IPCEF1: variants seen among roughly 807,000 people sequenced by gnomAD.
IPCEF1 encodes interaction protein for cytohesin exchange factors 1, also known as interactor protein for cytohesin exchange factors 1.
A neutral mutation model predicts 50.9 loss-of-function variants in IPCEF1; 31 were observed. That is an observed-to-expected ratio of 0.61 (90% confidence interval 0.46 to 0.82). The LOEUF (loss-of-function observed/expected upper bound fraction) is 0.82, where lower values mean the gene tolerates loss of function less well. Among genes scored for constraint, IPCEF1 ranks in the 40% least tolerant of loss-of-function variants. IPCEF1 has a pLI of 0.00. For missense variants in IPCEF1, 458 were observed against 514.0 expected, an observed-to-expected ratio of 0.89 and a Z score of 1.05; for synonymous variants, 181 against 192.0, an observed-to-expected ratio of 0.94 and a Z score of 0.47.
chr6:154,338,122 A>T (rs1267345433), intron 1 of IPCEF1, among the ~76,000 whole-genome samples: 2 of 152,216 alleles, frequency 1.3e-5, no homozygotes, highest in Non-Finnish European at 2.9e-5. Context: ...TCATCTAGGT[A>T]AAGTTTGAAT....
At chr6:154,207,240 G>A (rs941936206) in intron 9 of IPCEF1, among the ~76,000 whole-genome samples, 1 of 152,230 alleles carries the variant, frequency 6.6e-6, no homozygotes, top group African/African-American at 2.4e-5. Context: ...AAGATGAGCT[G>A]TTAAAGCCAG....
chr6:154,286,731 A>T (rs1484967033), intron 2 of IPCEF1, among the ~76,000 whole-genome samples: 1 of 152,240 alleles, frequency 6.6e-6, no homozygotes, highest in Non-Finnish European at 1.5e-5. Context: ...GTTTCAGTAG[A>T]AAGCGGTGAA....
chr6:154,340,879 C>T (rs1301004772), intron 1 of IPCEF1, among the ~76,000 whole-genome samples: 2 of 130,074 alleles, frequency 1.5e-5, no homozygotes, highest in African/African-American at 5.9e-5. Context: ...AGCAAAACTC[C>T]GTCTCAAAAA....
chr6:154,345,891 G>C (rs545054178), intron 1 of IPCEF1, among the ~76,000 whole-genome samples: 3 of 151,914 alleles, frequency 2.0e-5, no homozygotes, highest in South Asian at 2.1e-4. Context: ...TGTGAGATGG[G>C]GTCTCACTCT....
intron 1 of IPCEF1, among the ~76,000 whole-genome samples, chr6:154,321,033 C>T (rs1367333177): frequency 6.6e-6 from 1 of 152,010 alleles, no homozygotes; most frequent in Non-Finnish European, 1.5e-5. Context: ...TGGGCTCAAG[C>T]AATCCTCCCA....
At chr6:154,186,746 G>A (rs924814770) in intron 10 of IPCEF1, among the ~76,000 whole-genome samples, 1 of 151,826 alleles carries the variant, frequency 6.6e-6, no homozygotes, top group African/African-American at 2.4e-5. Flanking sequence ...TTAGTAGAGA[G>A]GGGGTTTCAC....
intron 1 of IPCEF1, among the ~76,000 whole-genome samples, chr6:154,317,270 C>T (rs186737253): frequency 6.6e-6 from 1 of 152,120 alleles, no homozygotes. Context: ...AGCAAATGGG[C>T]CAGGCACAAT....
At chr6:154,351,218 A>G (rs79649489) in intron 1 of IPCEF1, among the ~76,000 whole-genome samples, 2,559 of 152,336 alleles carry the variant, frequency 0.017, 42 homozygotes, top group Middle Eastern at 0.027. Context: ...GATACTCAAA[A>G]TGGAAATTGA....
At chr6:154,196,446 A>T (rs932411441) in intron 10 of IPCEF1, among the ~76,000 whole-genome samples, 3 of 152,110 alleles carry the variant, frequency 2.0e-5, no homozygotes, top group Non-Finnish European at 4.4e-5. Flanking sequence ...TGTTATCTAC[A>T]TGACTCCCAG....
At chr6:154,190,315 C>T (rs2128579813) in intron 10 of IPCEF1, among the ~76,000 whole-genome samples, 1 of 152,046 alleles carries the variant, frequency 6.6e-6, no homozygotes, top group South Asian at 2.1e-4. Flanking sequence ...AGATACCTCA[C>T]CAAAGAAAGT....
chr6:154,257,863 T>C (rs1358936060), intron 3 of IPCEF1, among the ~76,000 whole-genome samples: 2 of 152,136 alleles, frequency 1.3e-5, no homozygotes, highest in African/African-American at 4.8e-5. Context: ...CCAGGACATC[T>C]GGCTAATTTT....
At chr6:154,263,453 G>C (rs1001782439) in intron 3 of IPCEF1, among the ~76,000 whole-genome samples, 6 of 125,346 alleles carry the variant, frequency 4.8e-5, no homozygotes, top group Non-Finnish European at 8.7e-5. Flanking sequence ...GACTCTTAAG[G>C]AGCATGCTGC....
intron 1 of IPCEF1, among the ~76,000 whole-genome samples, chr6:154,309,738 G>C (rs946677841): frequency 1.3e-5 from 2 of 150,520 alleles, no homozygotes; most frequent in Non-Finnish European, 3.0e-5. Context: ...TTCCGCTAAA[G>C]CTATTTAGTC....
At chr6:154,336,415 G>T (rs999298972) in intron 1 of IPCEF1, among the ~76,000 whole-genome samples, 10 of 152,142 alleles carry the variant, frequency 6.6e-5, no homozygotes, top group African/African-American at 2.4e-4. Context: ...AATAAGCCAG[G>T]CACAGAAAGA....
intron 7 of IPCEF1, among the ~76,000 whole-genome samples, chr6:154,216,505 A>G (rs1778405145): frequency 6.6e-6 from 1 of 152,204 alleles, no homozygotes; most frequent in African/African-American, 2.4e-5. Context: ...CTGTACTTCA[A>G]AAACGATATG....
chr6:154,339,873 A>T (rs1562295641), intron 1 of IPCEF1, among the ~76,000 whole-genome samples: 1 of 152,210 alleles, frequency 6.6e-6, no homozygotes, highest in South Asian at 2.1e-4. Context: ...CTGGGATTAC[A>T]GGCATGAGCC....
At chr6:154,238,597 C>G (rs1369396967) in intron 5 of IPCEF1, among the ~76,000 whole-genome samples, 1 of 152,112 alleles carries the variant, frequency 6.6e-6, no homozygotes, top group Non-Finnish European at 1.5e-5. Flanking sequence ...ATTTATTTCT[C>G]TCTGTGTGTT....
intron 5 of IPCEF1, among the ~76,000 whole-genome samples, chr6:154,232,687 G>A (rs1171304815): frequency 6.6e-6 from 1 of 152,158 alleles, no homozygotes; most frequent in African/African-American, 2.4e-5. Context: ...CCTGGATTTG[G>A]AATTAATGTC....
At chr6:154,316,109 C>T (rs1273655176) in intron 1 of IPCEF1, among the ~76,000 whole-genome samples, 1 of 152,226 alleles carries the variant, frequency 6.6e-6, no homozygotes, top group Non-Finnish European at 1.5e-5. Flanking sequence ...CTGCCTGCCT[C>T]AGCCTCCCAA....
Sources: gnomAD v4.1 joint callset for allele counts (sites outside exome capture counted in the v4.1 genomes callset) on GRCh38, gnomAD v4.1.1 for gene constraint, MANE v1.5 for transcripts, NCBI Gene and HGNC (gene_info 2026-07-23, HGNC 2026-07-21) for gene names.